Variants in PPP1R13B observed in about 807,000 individuals in gnomAD.
The protein encoded by PPP1R13B is protein phosphatase 1 regulatory subunit 13B.
In PPP1R13B, 44 loss-of-function variants were observed where a neutral mutation model predicts 119.8. That is an observed-to-expected ratio of 0.37 (90% CI 0.29 to 0.47). The LOEUF (loss-of-function observed/expected upper bound fraction) is 0.47. PPP1R13B is among the 20% of genes least tolerant of loss of function. The pLI is 0.99. For synonymous variants in PPP1R13B, 542 were observed against 561.5 expected, an observed-to-expected ratio of 0.97 and a Z score of 0.49; for missense variants, 1,227 against 1,413.5, an observed-to-expected ratio of 0.87 and a Z score of 2.12.
Position 103,746,305 on chromosome 14 carries a change from C to T in PPP1R13B, c.1150+68G>A, listed in dbSNP as rs12879555. 3 of 211,314 alleles carry T rather than the reference C, an allele frequency of 1.4e-5. 1 individual carries two copies. The highest frequency in any genetic ancestry group is 3.1e-5 in the Non-Finnish European group (3 of 95,588). 13.1% of individuals were successfully genotyped at this position (211,314 alleles called of 1,614,324 possible). A position where few individuals can be genotyped will look rare whatever the true frequency, so the allele number is the denominator to read the frequency against. ...CCTCAGGAGCCTGCCCCACCCCCCG[C>T]CCCTCCACCGCAGGCCCCATTCCCT... is the stretch of plus-strand genomic sequence containing the variant. On this transcript the variant is annotated intron_variant, in intron 9 of 16. Coordinates refer to ENST00000202556, the MANE Select transcript of PPP1R13B (RefSeq NM_015316.3).
intron 4 of PPP1R13B, among the ~76,000 whole-genome samples, chr14:103,775,553 G>A (rs1278376573): frequency 2.6e-5 from 4 of 152,158 alleles, no homozygotes; most frequent in Non-Finnish European, 5.9e-5. Context: ...GGGATTACAG[G>A]AGCTAGCCAC....
At chr14:103,787,920 G>C (rs2085510346) in intron 2 of PPP1R13B, among the ~76,000 whole-genome samples, 1 of 151,878 alleles carries the variant, frequency 6.6e-6, no homozygotes. Context: ...AAAGTGCTGG[G>C]ATTACAGGCG....
At position 103,765,321 on chromosome 14, in the gene PPP1R13B, A is replaced by G. The variant is rs563511853; in HGVS notation, c.355-7570T>C. Among the ~76,000 whole-genome samples, 6 of 152,302 alleles carry G rather than the reference A, an allele frequency of 3.9e-5. No homozygotes were observed. The East Asian group carries it at 7.7e-4, about 20-fold the overall frequency. ...GAATAAAAAATTCCCTAAGCTTTCA[A>G]GCTCCAGTGAGATGACATGAAATAG... On this transcript the variant is annotated intron_variant, in intron 4 of 16. Coordinates refer to ENST00000202556, the MANE Select transcript of PPP1R13B (RefSeq NM_015316.3).
chr14:103,839,120 C>T (rs1005321192), intron 1 of PPP1R13B, among the ~76,000 whole-genome samples: 1 of 152,164 alleles, frequency 6.6e-6, no homozygotes, highest in Non-Finnish European at 1.5e-5. Context: ...TCAAGCGATT[C>T]TCCTGCCTCA....
chr14:103,778,592 C>CA (rs2152016125), intron 4 of PPP1R13B, 153 bp downstream of exon 4: 1 of 639,268 alleles, frequency 1.6e-6, no homozygotes, highest in African/African-American at 1.8e-5. Flanking sequence ...CTTTTATAGA[C>CA]AGAGGGTCTC....
intron 4 of PPP1R13B, among the ~76,000 whole-genome samples, chr14:103,769,427 A>G (rs2085013662): frequency 6.6e-6 from 1 of 151,794 alleles, no homozygotes; most frequent in African/African-American, 2.4e-5. Flanking sequence ...TTTTGTAGAG[A>G]CAGTGTCTCA....
Position 103,734,981 on chromosome 14 carries a change from A to G in PPP1R13B, c.*173T>C. 2.6e-6 allele frequency: 2 copies of G among 782,210 alleles called. No individual in the cohort carries two copies. Among genetic ancestry groups the G allele is most frequent in the East Asian group, 5.4e-5 (2 of 37,274 alleles). 48.5% of individuals were successfully genotyped at this position (782,210 alleles called of 1,614,324 possible). A position where few individuals can be genotyped will look rare whatever the true frequency, so the allele number is the denominator to read the frequency against. ...AGTACCTCTCCCAGTTAATGGGCAA[A>G]CTGGAGAAAGGGCCTCACCTGGAAA... On this transcript the variant is annotated 3_prime_UTR_variant, in exon 17 of 17. Coordinates refer to ENST00000202556, the MANE Select transcript of PPP1R13B (RefSeq NM_015316.3).
intron 3 of PPP1R13B, among the ~76,000 whole-genome samples, chr14:103,781,610 T>C (rs1440154296): frequency 1.3e-5 from 2 of 152,200 alleles, no homozygotes; most frequent in African/African-American, 2.4e-5. Flanking sequence ...TAATCCATAA[T>C]CACTGTTAAT....
intron 9 of PPP1R13B, chr14:103,743,891 C>G (rs900812798): frequency 6.6e-6 from 1 of 152,324 alleles, no homozygotes; most frequent in African/African-American, 2.4e-5. Context: ...CCAAACTGAC[C>G]CGATGCAGCC....
chr14:103,760,232 G>A (rs1304045128), intron 4 of PPP1R13B, among the ~76,000 whole-genome samples: 1 of 152,176 alleles, frequency 6.6e-6, no homozygotes, highest in Non-Finnish European at 1.5e-5. Context: ...ACTCTTCAAT[G>A]CAAACTGGAT....
intron 1 of PPP1R13B, among the ~76,000 whole-genome samples, chr14:103,835,405 A>G (rs1324819159): frequency 3.4e-5 from 5 of 149,188 alleles, no homozygotes; most frequent in African/African-American, 1.2e-4. Flanking sequence ...GATTACAGGC[A>G]TGAGCCACTG....
chr14:103,762,786 G>C (rs149991394), intron 4 of PPP1R13B: 9 of 752,102 alleles, frequency 1.2e-5, no homozygotes, highest in Non-Finnish European at 1.9e-5. Flanking sequence ...TGGTGGCGGC[G>C]GCCGCCCGCT....
intron 2 of PPP1R13B, among the ~76,000 whole-genome samples, chr14:103,788,913 G>A (rs1313106783): frequency 2.6e-5 from 4 of 152,120 alleles, no homozygotes; most frequent in African/African-American, 4.8e-5. Flanking sequence ...GCAGGACCAC[G>A]TTCCTTTGAT....
At chr14:103,793,664 TA>T (rs1365724527) in intron 2 of PPP1R13B, among the ~76,000 whole-genome samples, 2 of 151,930 alleles carry the variant, frequency 1.3e-5, no homozygotes, top group African/African-American at 4.9e-5. Context: ...AATGGAAATC[TA>T]TTATAAGACT....
At chr14:103,794,333 T>TG (rs1447372871) in intron 2 of PPP1R13B, among the ~76,000 whole-genome samples, 2 of 151,488 alleles carry the variant, frequency 1.3e-5, no homozygotes, top group Middle Eastern at 3.4e-3. Flanking sequence ...TTTTTGTTTT[T>TG]TTTTTTTTTT....
In PPP1R13B at chr14:103,740,577, A is replaced by C. The variant is rs1396255696; in HGVS notation, c.1839T>G (p.Val613=). Reference sequence around the variant, plus strand: ...ATGGAGAGGTTGAACCCGAAGGTAAAACGGGCTTACCATACACTGGGGAAG... The same window carrying C: ...ATGGAGAGGTTGAACCCGAAGGTAACACGGGCTTACCATACACTGGGGAAG... ...KSVKAVYGKP[V]LPSGSTSPSP... Residue 613 remains valine (V), a synonymous_variant, in exon 12 of 17, where the codon GTT becomes GTG. Coordinates refer to ENST00000202556, the MANE Select transcript of PPP1R13B (RefSeq NM_015316.3). This position sits in a 1 kb window ranked among gnomAD's most constrained non-coding sequence, Gnocchi z 4.6. 2 of 1,532,388 alleles carry C rather than the reference A, an allele frequency of 1.3e-6. No individual in the cohort carries two copies. The highest frequency in any genetic ancestry group is 1.8e-6 in the Non-Finnish European group (2 of 1,138,222). 94.9% of individuals were successfully genotyped at this position (1,532,388 alleles called of 1,614,324 possible). A position where few individuals can be genotyped will look rare whatever the true frequency, so the allele number is the denominator to read the frequency against.
chr14:103,736,244 C>A (rs1231182888), intron 15 of PPP1R13B, 42 bp from the exon 16 acceptor site: 1 of 1,593,988 alleles, frequency 6.3e-7, no homozygotes. Context: ...CAGAGGGTGG[C>A]CTGCAGCAAG....
intron 1 of PPP1R13B, among the ~76,000 whole-genome samples, chr14:103,804,902 T>C (rs1320360608): frequency 1.3e-5 from 2 of 152,202 alleles, no homozygotes; most frequent in Non-Finnish European, 2.9e-5. Flanking sequence ...AGTGGCTCAA[T>C]CTCAGCTCAC....
chr14:103,785,784 T>C (rs1015157073), intron 2 of PPP1R13B, among the ~76,000 whole-genome samples: 1 of 152,094 alleles, frequency 6.6e-6, no homozygotes, highest in Non-Finnish European at 1.5e-5. Flanking sequence ...CCTCCCAAAG[T>C]GCTGGGATTA....
Sources: allele counts gnomAD v4.1 joint callset (sites outside exome capture counted in the v4.1 genomes callset), GRCh38; gene constraint gnomAD v4.1.1; non-coding constraint Gnocchi (gnomAD v3.1); transcripts MANE v1.5; gene names NCBI Gene and HGNC (gene_info 2026-07-23, HGNC 2026-07-21).